Variants in TRIM16 observed in about 807,000 individuals in gnomAD.
TRIM16 encodes the protein tripartite motif-containing protein 16.
A neutral mutation model predicts 50.4 loss-of-function variants in TRIM16; 33 were observed. The ratio of observed to expected loss-of-function variants is 0.65; its 90% CI spans 0.50 to 0.88. The LOEUF is 0.88. Among genes scored for constraint, TRIM16 ranks in the 40% least tolerant of loss-of-function variants. The probability of loss-of-function intolerance (pLI) is 0.00; values close to 1 mark genes in which losing one functional copy is unlikely to be tolerated. For synonymous variants in TRIM16, 229 were observed against 270.7 expected (o/e 0.85, Z 1.51); for missense variants, 581 against 686.8 (o/e 0.85, Z 1.72).
intron 9 of TRIM16, 73 bp downstream of exon 9, chr17:15,635,963 G>A (rs1986714192): frequency 6.7e-7 from 1 of 1,498,406 alleles, no homozygotes; most frequent in African/African-American, 1.4e-5. Context: ...TTCACAGATG[G>A]CCATGGGCCT....
chr17:15,638,185 A>G (rs1567672323), intron 8 of TRIM16, among the ~76,000 whole-genome samples: 2 of 125,674 alleles, frequency 1.6e-5, no homozygotes, highest in Non-Finnish European at 3.3e-5. Flanking sequence ...CCTTCCCTCC[A>G]CTATTGTCCC....
chr17:15,678,284 A>G (rs938368022), intron 4 of TRIM16, among the ~76,000 whole-genome samples: 4 of 152,180 alleles, frequency 2.6e-5, no homozygotes, highest in African/African-American at 7.2e-5. Flanking sequence ...ATCTATTTAT[A>G]CCTTACAATA....
At chr17:15,662,100 G>A (rs1056533640) in intron 6 of TRIM16, among the ~76,000 whole-genome samples, 1 of 152,268 alleles carries the variant, frequency 6.6e-6, no homozygotes, top group South Asian at 2.1e-4. Context: ...CTTGGTTACT[G>A]CAGCCTGTCG....
chr17:15,644,807 G>A (rs1987283236), intron 7 of TRIM16, among the ~76,000 whole-genome samples: 1 of 149,722 alleles, frequency 6.7e-6, no homozygotes, highest in Non-Finnish European at 1.5e-5. Flanking sequence ...TTTTGTTGTT[G>A]TTGTTGTTGT....
chr17:15,663,388 G>A (rs943810060), intron 6 of TRIM16, among the ~76,000 whole-genome samples: 1 of 152,160 alleles, frequency 6.6e-6, no homozygotes, highest in African/African-American at 2.4e-5. Flanking sequence ...TGCCCATGAA[G>A]AGCACAGCTG....
At chr17:15,679,528 T>A (rs1449194142) in intron 4 of TRIM16, among the ~76,000 whole-genome samples, 1 of 151,922 alleles carries the variant, frequency 6.6e-6, no homozygotes, top group African/African-American at 2.4e-5. Flanking sequence ...TTTAGCCCTG[T>A]AAAAAAAATG....
At chr17:15,638,696 G>A (rs1986971432) in intron 8 of TRIM16, among the ~76,000 whole-genome samples, 1 of 148,552 alleles carries the variant, frequency 6.7e-6, no homozygotes, top group Non-Finnish European at 1.5e-5. Flanking sequence ...TCCCATCCCT[G>A]GCAAGGAAGG....
chr17:15,655,810 G>A (rs1286019406), intron 6 of TRIM16, among the ~76,000 whole-genome samples: 2 of 152,092 alleles, frequency 1.3e-5, no homozygotes, highest in Admixed American at 1.3e-4. Flanking sequence ...TCCTGACCTC[G>A]TGATCTGCCC....
rs1195999273 is a variant in TRIM16 at position 15,628,471 on chromosome 17, G to A, written c.*144C>T. On this transcript the variant is annotated 3_prime_UTR_variant, in exon 12 of 12. Coordinates refer to ENST00000649191, the MANE Select transcript of TRIM16 (RefSeq NM_001348119.1). ...ACAGCACCATATGGAGCAAAAGAGA[G>A]CAGCTGGAGAATGTTTTCATTCAGA... The A allele has an allele frequency of 1.5e-5, 10 of 646,946 alleles. No individual in the cohort carries two copies. The highest frequency in any genetic ancestry group is 2.0e-5 in the South Asian group (1 of 49,626). 40.1% of individuals were successfully genotyped at this position (646,946 alleles called of 1,614,324 possible). A position where few individuals can be genotyped will look rare whatever the true frequency, so the allele number is the denominator to read the frequency against.
intron 7 of TRIM16, among the ~76,000 whole-genome samples, chr17:15,644,368 A>C (rs1987258937): frequency 6.6e-6 from 1 of 152,144 alleles, no homozygotes; most frequent in African/African-American, 2.4e-5. Flanking sequence ...TTGTATTTTT[A>C]GTAGAGACAG....
At chr17:15,644,634 AG>A (rs1987271807) in intron 7 of TRIM16, among the ~76,000 whole-genome samples, 2 of 151,924 alleles carry the variant, frequency 1.3e-5, no homozygotes, top group Admixed American at 6.5e-5. Flanking sequence ...CTTTCATCAT[AG>A]GGTTGGCTCC....
intron 4 of TRIM16, 39 bp from the exon 5 acceptor site, chr17:15,677,760 T>C (rs1305792267): frequency 3.0e-6 from 3 of 986,162 alleles, no homozygotes; most frequent in Non-Finnish European, 3.6e-6. Context: ...TAGGGGAGAC[T>C]GATGGGATGG....
chr17:15,637,126 G>C (rs1460970124), intron 8 of TRIM16, among the ~76,000 whole-genome samples: 1 of 136,650 alleles, frequency 7.3e-6, no homozygotes, highest in African/African-American at 2.9e-5. Flanking sequence ...GGGGGGGGGG[G>C]GTCAGCCCCC....
intron 6 of TRIM16, among the ~76,000 whole-genome samples, chr17:15,670,021 G>C (rs1988660655): frequency 6.6e-6 from 1 of 152,166 alleles, no homozygotes; most frequent in East Asian, 1.9e-4. Context: ...TGAGTGCAAA[G>C]TAGAGAAACA....
intron 4 of TRIM16, among the ~76,000 whole-genome samples, chr17:15,679,510 CAA>C (rs1359215936): frequency 6.6e-6 from 1 of 152,160 alleles, no homozygotes; most frequent in Non-Finnish European, 1.5e-5. Context: ...GTTAACTAAA[CAA>C]AGTGATTTAG....
intron 7 of TRIM16, among the ~76,000 whole-genome samples, chr17:15,645,381 T>A (rs1029137182): frequency 6.6e-6 from 1 of 152,048 alleles, no homozygotes; most frequent in African/African-American, 2.4e-5. Flanking sequence ...GAGCCAGCCC[T>A]CCCAGCCCAG....
chr17:15,677,536 C>T, intron 5 of TRIM16, 39 bp downstream of exon 5: 1 of 1,037,306 alleles, frequency 9.6e-7, no homozygotes, highest in South Asian at 3.8e-5. Context: ...GCAAAGGTAT[C>T]CTGAAAGGTC....
intron 7 of TRIM16, among the ~76,000 whole-genome samples, chr17:15,649,673 CA>C (rs969453863): frequency 2.0e-5 from 3 of 151,722 alleles, no homozygotes; most frequent in Non-Finnish European, 2.9e-5. Flanking sequence ...GGTTTTGGTG[CA>C]AAAAAAGAGG....
chr17:15,660,616 G>A (rs987496586), intron 6 of TRIM16, among the ~76,000 whole-genome samples: 3 of 152,170 alleles, frequency 2.0e-5, no homozygotes, highest in Non-Finnish European at 4.4e-5. Flanking sequence ...GAATACAGAG[G>A]GGCCGGGCGC....
Sources: gnomAD v4.1 joint callset for allele counts (sites outside exome capture counted in the v4.1 genomes callset) on GRCh38, gnomAD v4.1.1 for gene constraint, MANE v1.5 for transcripts, NCBI Gene and HGNC (gene_info 2026-07-23, HGNC 2026-07-21) for gene names.